NAALADL2: variants seen among roughly 807,000 people sequenced by gnomAD.
NAALADL2 encodes N-acetylated alpha-linked acidic dipeptidase like 2.
A neutral mutation model predicts 87.2 loss-of-function variants in NAALADL2; 76 were observed. The ratio of observed to expected loss-of-function variants is 0.87; its 90% CI spans 0.72 to 1.05. The LOEUF is 1.05. NAALADL2 is among the 50% of genes least tolerant of loss of function. The pLI is 0.00. For synonymous variants in NAALADL2, 354 were observed against 331.0 expected, an observed-to-expected ratio of 1.07 and a Z score of -0.75; for missense variants, 1,089 against 945.8, an observed-to-expected ratio of 1.15 and a Z score of -1.99.
At chr3:174,950,886 G>T (rs987696454) in intron 1 of NAALADL2, among the ~76,000 whole-genome samples, 10 of 151,926 alleles carry the variant, frequency 6.6e-5, no homozygotes, top group Non-Finnish European at 1.2e-4. Flanking sequence ...ATTAACATTT[G>T]TATGTTTATA....
At chr3:175,099,663 G>T (rs1721779362) in intron 2 of NAALADL2, among the ~76,000 whole-genome samples, 1 of 151,902 alleles carries the variant, frequency 6.6e-6, no homozygotes, top group Non-Finnish European at 1.5e-5. Flanking sequence ...GCTCTTACTG[G>T]CCCACTATTT....
At chr3:174,898,872 A>G (rs1324427383) in intron 1 of NAALADL2, among the ~76,000 whole-genome samples, 3 of 152,214 alleles carry the variant, frequency 2.0e-5, no homozygotes, top group African/African-American at 7.2e-5. Flanking sequence ...AAGAGAGCAC[A>G]GAGGATGGGC....
At chr3:175,484,320 T>C (rs1726937493) in intron 9 of NAALADL2, among the ~76,000 whole-genome samples, 1 of 152,142 alleles carries the variant, frequency 6.6e-6, no homozygotes, top group South Asian at 2.1e-4. Flanking sequence ...TTTGAAAGTA[T>C]CTCTTAAAAG....
At chr3:174,799,309 G>T (rs2109241734) in intron 3 of NAALADL2, among the ~76,000 whole-genome samples, 1 of 152,222 alleles carries the variant, frequency 6.6e-6, no homozygotes, top group Non-Finnish European at 1.5e-5. Context: ...GTTTGGCTGT[G>T]TCCCTACCCA....
chr3:175,544,652 A>T (rs572083080), intron 9 of NAALADL2, among the ~76,000 whole-genome samples: 82 of 152,144 alleles, frequency 5.4e-4, no homozygotes, highest in African/African-American at 1.9e-3. Context: ...GTGGATTTGG[A>T]TATTTGCCTA....
At chr3:174,451,693 T>C (rs1336792138) in intron 1 of NAALADL2, among the ~76,000 whole-genome samples, 1 of 152,194 alleles carries the variant, frequency 6.6e-6, no homozygotes, top group Admixed American at 6.5e-5. Flanking sequence ...TCGGTTTACA[T>C]ATTTTTTGGA....
At chr3:175,795,150 G>T (rs141513923) in intron 13 of NAALADL2, among the ~76,000 whole-genome samples, 1 of 152,310 alleles carries the variant, frequency 6.6e-6, no homozygotes, top group East Asian at 1.9e-4. Flanking sequence ...AGGCTTCAGT[G>T]TGTGCATTTG....
chr3:174,503,354 C>A (rs1045197438), intron 1 of NAALADL2, among the ~76,000 whole-genome samples: 1 of 152,046 alleles, frequency 6.6e-6, no homozygotes, highest in African/African-American at 2.4e-5. Flanking sequence ...CATAACTTAA[C>A]CATTTATGTT....
intron 1 of NAALADL2, among the ~76,000 whole-genome samples, chr3:174,490,014 A>G (rs1718084833): frequency 6.6e-6 from 1 of 152,134 alleles, no homozygotes; most frequent in South Asian, 2.1e-4. Flanking sequence ...ATCGTTAAAA[A>G]GACATACCAT....
At chr3:175,224,037 A>G in intron 2 of NAALADL2, among the ~76,000 whole-genome samples, 1 of 152,160 alleles carries the variant, frequency 6.6e-6, no homozygotes, top group African/African-American at 2.4e-5. Context: ...TTTGAAGAGA[A>G]GGTGAAGGTT....
chr3:174,971,171 C>T (rs1743585569), intron 1 of NAALADL2, among the ~76,000 whole-genome samples: 1 of 152,100 alleles, frequency 6.6e-6, no homozygotes, highest in Non-Finnish European at 1.5e-5. Flanking sequence ...TCAATTACCT[C>T]CTCCTGGGTT....
intron 1 of NAALADL2, among the ~76,000 whole-genome samples, chr3:174,448,298 T>C (rs1715207179): frequency 6.6e-6 from 1 of 152,182 alleles, no homozygotes; most frequent in Admixed American, 6.5e-5. Context: ...TTCTGTGTCA[T>C]TTCATCTCAT....
At chr3:174,673,760 A>C (rs1438079832) in intron 2 of NAALADL2, among the ~76,000 whole-genome samples, 1 of 152,038 alleles carries the variant, frequency 6.6e-6, no homozygotes, top group Non-Finnish European at 1.5e-5. Context: ...ACTATGCTTA[A>C]AAACAGTATA....
At chr3:174,764,163 A>ACAT (rs909523648) in intron 3 of NAALADL2, among the ~76,000 whole-genome samples, 2 of 132,124 alleles carry the variant, frequency 1.5e-5, no homozygotes, top group African/African-American at 5.4e-5. Context: ...TTTGGATTAA[A>ACAT]CATTATTCAC....
intron 1 of NAALADL2, among the ~76,000 whole-genome samples, chr3:174,991,210 G>A (rs1579905044): frequency 6.6e-6 from 1 of 152,200 alleles, no homozygotes; most frequent in African/African-American, 2.4e-5. Flanking sequence ...GAGTACCGCT[G>A]TATGCCAGCC....
chr3:175,083,750 GAAGGC>G (rs2109264766), intron 1 of NAALADL2, among the ~76,000 whole-genome samples: 1 of 152,228 alleles, frequency 6.6e-6, no homozygotes, highest in African/African-American at 2.4e-5. Flanking sequence ...ATCCTATTCT[GAAGGC>G]TGAATGAGTT....
chr3:175,423,373 G>C (rs949083547), intron 5 of NAALADL2, among the ~76,000 whole-genome samples: 3 of 150,658 alleles, frequency 2.0e-5, no homozygotes, highest in African/African-American at 7.3e-5. Flanking sequence ...CCATTAACTC[G>C]TCATTTAACA....
intron 2 of NAALADL2, among the ~76,000 whole-genome samples, chr3:174,659,178 C>T (rs1189302901): frequency 6.6e-6 from 1 of 152,124 alleles, no homozygotes; most frequent in Non-Finnish European, 1.5e-5. Context: ...ATATATGACA[C>T]TTTATTGGTG....
At chr3:175,201,717 G>T (rs1580901821) in intron 2 of NAALADL2, among the ~76,000 whole-genome samples, 1 of 150,096 alleles carries the variant, frequency 6.7e-6, no homozygotes, top group Non-Finnish European at 1.5e-5. Flanking sequence ...TCTACCATCT[G>T]TTGTGTGTCT....
Sources: gnomAD v4.1 joint callset for allele counts (sites outside exome capture counted in the v4.1 genomes callset) on GRCh38, gnomAD v4.1.1 for gene constraint, MANE v1.5 for transcripts, NCBI Gene and HGNC (gene_info 2026-07-23, HGNC 2026-07-21) for gene names.